Variants in PDZRN4 observed in about 807,000 individuals in gnomAD.
PDZRN4 encodes PDZ domain-containing RING finger protein 4.
Under a neutral mutation model 99.0 loss-of-function variants are expected in PDZRN4, and 70 were observed. That is an observed-to-expected ratio of 0.71 (90% CI 0.58 to 0.86). The LOEUF (loss-of-function observed/expected upper bound fraction) is 0.86, where lower values mean the gene tolerates loss of function less well. PDZRN4 is among the 40% of genes least tolerant of loss of function. The pLI, the probability that PDZRN4 is intolerant of heterozygous loss-of-function variation, is 0.00. For synonymous variants in PDZRN4, 551 were observed against 501.6 expected, an observed-to-expected ratio of 1.10 and a Z score of -1.32; for missense variants, 1,474 against 1,331.2, an observed-to-expected ratio of 1.11 and a Z score of -1.67.
chr12:41,416,021 C>T (rs1952442268), intron 3 of PDZRN4, among the ~76,000 whole-genome samples: 1 of 152,132 alleles, frequency 6.6e-6, no homozygotes, highest in Non-Finnish European at 1.5e-5. Context: ...AGTTTTCTTC[C>T]ATGACTTTAC....
At chr12:41,360,897 A>C (rs1951958885) in intron 3 of PDZRN4, among the ~76,000 whole-genome samples, 1 of 151,974 alleles carries the variant, frequency 6.6e-6, no homozygotes, top group African/African-American at 2.4e-5. Flanking sequence ...TAGAGCAAAA[A>C]ATATCCCAAA....
intron 3 of PDZRN4, among the ~76,000 whole-genome samples, chr12:41,200,346 T>A (rs1305558223): frequency 6.6e-6 from 1 of 152,164 alleles, no homozygotes; most frequent in East Asian, 1.9e-4. Flanking sequence ...AACTAGGTGG[T>A]CATCGTGGTT....
intron 3 of PDZRN4, among the ~76,000 whole-genome samples, chr12:41,198,641 A>G (rs1050635315): frequency 1.3e-5 from 2 of 149,880 alleles, no homozygotes; most frequent in East Asian, 2.0e-4. Context: ...GGATAGCATT[A>G]GGAGATATAC....
intron 3 of PDZRN4, among the ~76,000 whole-genome samples, chr12:41,398,547 A>T (rs183613220): frequency 2.9e-4 from 44 of 152,312 alleles, no homozygotes; most frequent in Non-Finnish European, 5.6e-4. Flanking sequence ...ATTCATGGTG[A>T]TATATTTAGC....
chr12:41,281,307 C>A (rs1393156449), intron 3 of PDZRN4, among the ~76,000 whole-genome samples: 1 of 150,474 alleles, frequency 6.6e-6, no homozygotes, highest in African/African-American at 2.4e-5. Flanking sequence ...AATGCCTCTT[C>A]TACTCCAAAG....
At chr12:41,451,721 A>C (rs1196788158) in intron 3 of PDZRN4, among the ~76,000 whole-genome samples, 1 of 152,132 alleles carries the variant, frequency 6.6e-6, no homozygotes, top group Middle Eastern at 3.2e-3. Flanking sequence ...TGAGTAATGG[A>C]CACCTTATCT....
intron 3 of PDZRN4, among the ~76,000 whole-genome samples, chr12:41,274,617 C>T (rs903470509): frequency 2.6e-5 from 4 of 152,132 alleles, no homozygotes; most frequent in Non-Finnish European, 4.4e-5. Context: ...CCTCTTGTAT[C>T]CCTAGACACT....
intron 3 of PDZRN4, among the ~76,000 whole-genome samples, chr12:41,294,947 A>G (rs904941313): frequency 6.6e-6 from 1 of 152,162 alleles, no homozygotes; most frequent in African/African-American, 2.4e-5. Context: ...AGAGACATGA[A>G]TCTTCTTCAA....
chr12:41,337,251 G>A (rs1301654259), intron 3 of PDZRN4, among the ~76,000 whole-genome samples: 1 of 152,002 alleles, frequency 6.6e-6, no homozygotes, highest in East Asian at 1.9e-4. Flanking sequence ...TTATAATTGT[G>A]CAAAAGTGGT....
At chr12:41,218,332 A>C (rs1419927920) in intron 3 of PDZRN4, among the ~76,000 whole-genome samples, 1 of 149,396 alleles carries the variant, frequency 6.7e-6, no homozygotes, top group Non-Finnish European at 1.5e-5. Flanking sequence ...AGGTTCTCAG[A>C]GTGTTAAAGA....
At position 41,260,874 on chromosome 12, in the gene PDZRN4, C is replaced by T. The variant is rs1000570218; in HGVS notation, c.843+66686C>T. ...TTGAAATATCCCTGACAGAAAATAA[C>T]GAGCTTCTAACCCCGTGGTTCTGCT... On this transcript the variant is annotated intron_variant, in intron 3 of 9. Transcript: ENST00000402685. Among the ~76,000 whole-genome samples, 13 of 152,056 alleles carry T rather than the reference C, an allele frequency of 8.5e-5. No homozygotes were observed. The East Asian group carries it at 9.6e-4, about 11-fold the overall frequency.
intron 3 of PDZRN4, among the ~76,000 whole-genome samples, chr12:41,319,937 G>A (rs947174436): frequency 1.3e-5 from 2 of 152,188 alleles, no homozygotes; most frequent in African/African-American, 4.8e-5. Flanking sequence ...TCTGCTGCTT[G>A]TCTTGGGTTG....
intron 3 of PDZRN4, among the ~76,000 whole-genome samples, chr12:41,218,511 T>A (rs561197012): frequency 6.2e-4 from 89 of 143,192 alleles, no homozygotes; most frequent in African/African-American, 2.6e-3. Flanking sequence ...AAAAATTTAA[T>A]GTCTAGGAAA....
At chr12:41,411,098 A>T (rs2120376029) in intron 3 of PDZRN4, among the ~76,000 whole-genome samples, 1 of 150,318 alleles carries the variant, frequency 6.7e-6, no homozygotes. Context: ...ATAGTGTCCC[A>T]CTATGTTGTC....
rs184343100 is a variant in PDZRN4 at position 41,358,431 on chromosome 12, T to C, written c.844-148025T>C. On this transcript the variant is annotated intron_variant, in intron 3 of 9. Transcript: ENST00000402685. Reference sequence around the variant, plus strand: ...ATTATTATTCTGCCTTTTCCTGAAATTTTCAATGTGTCAAGAAAAATGTCC... The same window carrying C: ...ATTATTATTCTGCCTTTTCCTGAAACTTTCAATGTGTCAAGAAAAATGTCC... Among the ~76,000 whole-genome samples the C allele has an allele frequency of 3.3e-5, 5 of 152,128 alleles. No homozygotes were observed. The East Asian group carries it at 7.8e-4, about 24-fold the overall frequency.
rs541194239 is a variant in PDZRN4, at chr12:41,455,267, A to G, written c.844-51189A>G. On this transcript the variant is annotated intron_variant, in intron 3 of 9. Coordinates refer to ENST00000402685, the MANE Select transcript of PDZRN4 (RefSeq NM_001164595.2). ...ATATGAATCCCATGGAATAGCCTAC[A>G]AAGAGGAGGCTTAGAAACTAGAATA... is the stretch of plus-strand genomic sequence containing the variant. 9.8e-5 allele frequency among the ~76,000 whole-genome samples: 15 copies of G among 152,368 alleles called. 1 individual carries two copies. The highest frequency in any genetic ancestry group is 3.6e-4 in the African/African-American group (15 of 41,594).
chr12:41,252,068 A>C (rs914354787), intron 3 of PDZRN4, among the ~76,000 whole-genome samples: 1 of 152,190 alleles, frequency 6.6e-6, no homozygotes, highest in African/African-American at 2.4e-5. Flanking sequence ...GTAAGCCATC[A>C]TCAAGCCACT....
intron 3 of PDZRN4, among the ~76,000 whole-genome samples, chr12:41,415,790 C>CAGCACA (rs1355934307): frequency 2.7e-4 from 41 of 152,230 alleles, no homozygotes; most frequent in Non-Finnish European, 5.4e-4. Context: ...GGTAATTTAT[C>CAGCACA]ATGGGAGGAA....
chr12:41,497,445 A>G (rs948647329), intron 3 of PDZRN4, among the ~76,000 whole-genome samples: 7 of 152,042 alleles, frequency 4.6e-5, no homozygotes, highest in Non-Finnish European at 7.4e-5. Flanking sequence ...ATATGTCACA[A>G]CTCAGTGAAT....
Sources: allele counts gnomAD v4.1 joint callset (sites outside exome capture counted in the v4.1 genomes callset), GRCh38; gene constraint gnomAD v4.1.1; transcripts MANE v1.5; gene names NCBI Gene and HGNC (gene_info 2026-07-23, HGNC 2026-07-21).